TRIM2: variants seen among roughly 807,000 people sequenced by gnomAD.
TRIM2 encodes the protein tripartite motif containing 2.
A neutral mutation model predicts 75.2 loss-of-function variants in TRIM2; 20 were observed. The observed-to-expected ratio is 0.27, with a 90% CI of 0.19 to 0.39. The LOEUF (loss-of-function observed/expected upper bound fraction) is 0.39, where lower values mean the gene tolerates loss of function less well. Ranked by LOEUF, TRIM2 falls within the 10% of genes least tolerant of loss-of-function variation. The pLI is 1.00. For missense variants in TRIM2, 660 were observed against 990.8 expected, an observed-to-expected ratio of 0.67 and a Z score of 4.48; for synonymous variants, 373 against 388.3, an observed-to-expected ratio of 0.96 and a Z score of 0.46.
intron 1 of TRIM2, among the ~76,000 whole-genome samples, chr4:153,185,121 G>T (rs537934946): frequency 2.0e-5 from 3 of 152,138 alleles, no homozygotes; most frequent in Admixed American, 6.6e-5. Context: ...TCTTTTTAAC[G>T]CATTCTTCCT....
chr4:153,196,827 C>T lies in TRIM2; in HGVS notation c.-49+43557C>T, dbSNP rs1560802645. 2.0e-5 allele frequency among the ~76,000 whole-genome samples: 3 copies of T among 152,174 alleles called. No individual in the cohort carries two copies. In the East Asian group the frequency reaches 5.8e-4, roughly 29 times the overall value. ...TGATCTCTCCCAACAAACGGAAAAC[C>T]TCAGTGGTGTTAAAACTAGTCATGG... On this transcript the variant is annotated intron_variant, in intron 1 of 11. Transcript: ENST00000437508.
intron 1 of TRIM2, among the ~76,000 whole-genome samples, chr4:153,249,205 A>G (rs1274652134): frequency 1.3e-5 from 2 of 152,264 alleles, no homozygotes; most frequent in African/African-American, 4.8e-5. Flanking sequence ...GGGTGGGGGA[A>G]AGACAGAGGT....
chr4:153,294,657 C>T (rs147294124), intron 5 of TRIM2, among the ~76,000 whole-genome samples, 172 bp downstream of exon 5: 2 of 152,276 alleles, frequency 1.3e-5, no homozygotes, highest in South Asian at 2.1e-4. Context: ...CAGCAAAATT[C>T]GATGACTCTG....
At chr4:153,257,606 T>C (rs150192173) in intron 1 of TRIM2, 1 of 1,288,836 alleles carries the variant, frequency 7.8e-7, no homozygotes, top group Non-Finnish European at 1.0e-6. Flanking sequence ...CTGCACTGCA[T>C]GGTAGGGAAT....
chr4:153,160,903 C>T (rs1445425606), intron 1 of TRIM2, among the ~76,000 whole-genome samples: 1 of 152,090 alleles, frequency 6.6e-6, no homozygotes, highest in African/African-American at 2.4e-5. Context: ...GCCACCATGC[C>T]TGGCCAGGCT....
intron 1 of TRIM2, among the ~76,000 whole-genome samples, chr4:153,249,630 C>CGGCCACCTCCCTGCTCCCGCCT (rs1750324592): frequency 6.7e-6 from 1 of 150,362 alleles, no homozygotes; most frequent in Non-Finnish European, 1.5e-5. Context: ...TGCTCCCGCC[C>CGGCCACCTCCCTGCTCCCGCCT]CGGCCCTGGG....
At chr4:153,240,832 A>C (rs1050570307) in intron 1 of TRIM2, among the ~76,000 whole-genome samples, 3 of 152,188 alleles carry the variant, frequency 2.0e-5, no homozygotes, top group Non-Finnish European at 4.4e-5. Context: ...TAATCCCAGC[A>C]CTTTGGGAGG....
rs1749980129 is a variant in TRIM2 at position 153,248,721 on chromosome 4, G to C, written c.31-21614G>C. ...CATAGGATTCTAATCGTGGATGAAA[G>C]TGACCCTGAGTTGTAGTGCCAGGCA... is the stretch of plus-strand genomic sequence containing the variant. On this transcript the variant is annotated intron_variant, in intron 1 of 11. Coordinates refer to ENST00000338700, the MANE Select transcript of TRIM2 (RefSeq NM_015271.5). This position sits in a 1 kb window ranked among gnomAD's most constrained non-coding sequence, Gnocchi z 4.0. Among the ~76,000 whole-genome samples, 1 of 152,250 alleles carries C rather than the reference G, an allele frequency of 6.6e-6. No individual in the cohort carries two copies. Among genetic ancestry groups the C allele is most frequent in the Non-Finnish European group, 1.5e-5 (1 of 68,046 alleles).
chr4:153,273,063 T>G (rs777348126), intron 2 of TRIM2, among the ~76,000 whole-genome samples: 2 of 151,834 alleles, frequency 1.3e-5, no homozygotes, highest in Non-Finnish European at 2.9e-5. Flanking sequence ...GGTCTCGATC[T>G]CTTGACCTCG....
At chr4:153,240,150 G>A (rs1345439683) in intron 1 of TRIM2, among the ~76,000 whole-genome samples, 1 of 152,020 alleles carries the variant, frequency 6.6e-6, no homozygotes, top group Non-Finnish European at 1.5e-5. Context: ...CTAACTTTCT[G>A]CAGCAGTAAG....
At chr4:153,306,177 A>G (rs185001749) in intron 6 of TRIM2, among the ~76,000 whole-genome samples, 1 of 152,072 alleles carries the variant, frequency 6.6e-6, no homozygotes, top group Non-Finnish European at 1.5e-5. Context: ...CCAGCCTGCT[A>G]TTATTAGCCA....
At position 153,283,491 on chromosome 4, in the gene TRIM2, T is replaced by C. The variant is rs570665356; in HGVS notation, c.453+7361T>C. On this transcript the variant is annotated intron_variant, in intron 3 of 11. Coordinates refer to ENST00000338700, the MANE Select transcript of TRIM2 (RefSeq NM_015271.5). Reference sequence around the variant, plus strand: ...TTGAGTTGTTTCCACTTTTTGGCTGTTATGAATAATGCTGCTGTGAACATT... The same window carrying C: ...TTGAGTTGTTTCCACTTTTTGGCTGCTATGAATAATGCTGCTGTGAACATT... Among the ~76,000 whole-genome samples the C allele has an allele frequency of 2.6e-5, 4 of 152,348 alleles. No homozygotes were observed. In the South Asian group the frequency reaches 6.2e-4, roughly 24 times the overall value.
At chr4:153,292,185 A>G (rs1207215026) in intron 3 of TRIM2, among the ~76,000 whole-genome samples, 3 of 152,204 alleles carry the variant, frequency 2.0e-5, no homozygotes, top group African/African-American at 7.2e-5. Context: ...GGAATTTTCC[A>G]CAGGCTATGT....
intron 6 of TRIM2, among the ~76,000 whole-genome samples, chr4:153,299,148 C>T (rs1763352760): frequency 6.6e-6 from 1 of 152,090 alleles, no homozygotes; most frequent in East Asian, 1.9e-4. Flanking sequence ...AGTCCTTTTA[C>T]CCCCACCCTC....
intron 1 of TRIM2, among the ~76,000 whole-genome samples, chr4:153,263,909 C>T (rs1322339597): frequency 6.6e-6 from 1 of 152,146 alleles, no homozygotes; most frequent in African/African-American, 2.4e-5. Context: ...AGGGCTCTAC[C>T]CTCATGACCT....
intron 1 of TRIM2, among the ~76,000 whole-genome samples, chr4:153,220,098 A>T (rs1739545534): frequency 6.6e-6 from 1 of 152,132 alleles, no homozygotes; most frequent in Admixed American, 6.6e-5. Context: ...GAGTTAAGAG[A>T]CGGGGAGTTC....
intron 2 of TRIM2, among the ~76,000 whole-genome samples, chr4:153,270,919 T>C (rs2150037359): frequency 6.6e-6 from 1 of 152,330 alleles, no homozygotes; most frequent in Non-Finnish European, 1.5e-5. Flanking sequence ...TCTGCATACA[T>C]GAGTTGTTAC....
chr4:153,300,334 G>T (rs937966541), intron 6 of TRIM2, among the ~76,000 whole-genome samples: 1 of 151,676 alleles, frequency 6.6e-6, no homozygotes, highest in South Asian at 2.1e-4. Context: ...CGTTTCCCCA[G>T]GCTGGAGTAC....
intron 10 of TRIM2, among the ~76,000 whole-genome samples, chr4:153,327,997 C>G (rs1283124367): frequency 6.6e-6 from 1 of 152,212 alleles, no homozygotes; most frequent in Non-Finnish European, 1.5e-5. Flanking sequence ...CACACACATG[C>G]AATGAATTTC....
Sources: allele counts gnomAD v4.1 joint callset (sites outside exome capture counted in the v4.1 genomes callset), GRCh38; gene constraint gnomAD v4.1.1; non-coding constraint Gnocchi (gnomAD v3.1); transcripts MANE v1.5; gene names NCBI Gene and HGNC (gene_info 2026-07-23, HGNC 2026-07-21).